Variants in PPP1R9A observed in about 807,000 individuals in gnomAD.
PPP1R9A encodes neurabin-1.
In PPP1R9A, 59 loss-of-function variants were observed where a neutral mutation model predicts 141.9. That is an observed-to-expected ratio of 0.42 (90% confidence interval 0.34 to 0.52). The LOEUF is 0.52. Ranked by LOEUF, PPP1R9A falls within the 20% of genes least tolerant of loss-of-function variation. The pLI is 0.10. For missense variants in PPP1R9A, 1,444 were observed against 1,611.9 expected, an observed-to-expected ratio of 0.90 and a Z score of 1.78; for synonymous variants, 500 against 569.7, an observed-to-expected ratio of 0.88 and a Z score of 1.74.
Position 95,273,655 on chromosome 7 carries a change from A to G in PPP1R9A, c.3125-244A>G, listed in dbSNP as rs186563782. ...TATTTATTCTCCCTTGTTCATTCCC[A>G]TGCAGTTGAAGCTAAAACTCTTTGT... On this transcript the variant is annotated intron_variant, in intron 14 of 19. Coordinates refer to ENST00000433360, the MANE Select transcript of PPP1R9A (RefSeq NM_001166160.2). Among the ~76,000 whole-genome samples, 231 of 152,296 alleles carry G rather than the reference A, an allele frequency of 1.5e-3. 1 individual carries two copies. The highest frequency in any genetic ancestry group is 5.4e-3 in the African/African-American group (223 of 41,570).
intron 8 of PPP1R9A, among the ~76,000 whole-genome samples, chr7:95,231,905 A>T (rs1018141433): frequency 6.6e-6 from 1 of 152,146 alleles, no homozygotes; most frequent in African/African-American, 2.4e-5. Flanking sequence ...GAGCAAAACT[A>T]AATCAAATTG....
intron 7 of PPP1R9A, among the ~76,000 whole-genome samples, chr7:95,223,217 G>C (rs1794693299): frequency 6.6e-6 from 1 of 151,948 alleles, no homozygotes; most frequent in African/African-American, 2.4e-5. Flanking sequence ...CAGTACTGCA[G>C]GTAATTTGGG....
intron 2 of PPP1R9A, among the ~76,000 whole-genome samples, chr7:95,008,359 G>A (rs1183234649): frequency 1.3e-5 from 2 of 152,080 alleles, no homozygotes; most frequent in African/African-American, 4.8e-5. Context: ...GCTTTAAAAT[G>A]CATTAGAGAG....
rs1266912431 is a variant in PPP1R9A, at chr7:95,269,270, ACGT to A, written c.2889_2891del (p.Ser965del). Reference sequence around the variant, plus strand: ...ATTACTTCCACCTAAGGGTTTGAGAACGTCTTCTCCAGAATCAGATTCTGGTGT... The same window carrying A: ...ATTACTTCCACCTAAGGGTTTGAGAACTTCTCCAGAATCAGATTCTGGTGT... On this transcript the variant is annotated inframe_deletion, in exon 14 of 20. Transcript: ENST00000433360. 1.3e-6 allele frequency: 2 copies of A among 1,580,864 alleles called. No individual in the cohort carries two copies. The highest frequency in any genetic ancestry group is 2.7e-5 in the African/African-American group (2 of 74,446).
chr7:94,972,409 ATT>A (rs59867967), intron 2 of PPP1R9A, among the ~76,000 whole-genome samples: 1 of 143,902 alleles, frequency 6.9e-6, no homozygotes, highest in Admixed American at 7.0e-5. Context: ...GTTAGGACCA[ATT>A]TTTTTTTTTT....
chr7:94,929,456 C>A (rs997396498), intron 2 of PPP1R9A, among the ~76,000 whole-genome samples: 1 of 152,110 alleles, frequency 6.6e-6, no homozygotes, highest in African/African-American at 2.4e-5. Context: ...GACAAGTGTG[C>A]AACCTAACAG....
At chr7:95,188,843 T>C (rs1835041512) in intron 5 of PPP1R9A, among the ~76,000 whole-genome samples, 1 of 152,084 alleles carries the variant, frequency 6.6e-6, no homozygotes, top group South Asian at 2.1e-4. Flanking sequence ...GTGATCCATC[T>C]GCCTCAGCCT....
At chr7:95,272,764 A>T (rs2153053840) in intron 14 of PPP1R9A, among the ~76,000 whole-genome samples, 1 of 152,292 alleles carries the variant, frequency 6.6e-6, no homozygotes, top group Non-Finnish European at 1.5e-5. Flanking sequence ...AAAAATCATG[A>T]GCAACATTAA....
chr7:95,055,678 A>C (rs1811405853), intron 2 of PPP1R9A, among the ~76,000 whole-genome samples: 2 of 152,064 alleles, frequency 1.3e-5, no homozygotes, highest in South Asian at 4.1e-4. Context: ...ATTCTGCATC[A>C]TGTACATCTC....
intron 2 of PPP1R9A, among the ~76,000 whole-genome samples, chr7:95,043,991 C>G (rs1809627560): frequency 6.6e-6 from 1 of 152,122 alleles, no homozygotes; most frequent in Admixed American, 6.5e-5. Context: ...GTGGATCACT[C>G]CTTAGTTTGA....
chr7:95,154,102 A>T (rs1829178892), intron 4 of PPP1R9A, among the ~76,000 whole-genome samples: 1 of 148,746 alleles, frequency 6.7e-6, no homozygotes, highest in African/African-American at 2.5e-5. Context: ...CCTTCTACTC[A>T]TTTTTAGTTG....
chr7:94,992,340 C>CT (rs1356116559), intron 2 of PPP1R9A, among the ~76,000 whole-genome samples: 9 of 152,052 alleles, frequency 5.9e-5, no homozygotes, highest in South Asian at 2.1e-4. Context: ...AGCTAGGATT[C>CT]TTTTTTTTAT....
At chr7:94,944,789 G>A (rs1033909857) in intron 2 of PPP1R9A, among the ~76,000 whole-genome samples, 2 of 152,104 alleles carry the variant, frequency 1.3e-5, no homozygotes, top group East Asian at 3.9e-4. Flanking sequence ...GAGAGATACT[G>A]TAGAATTTTA....
chr7:95,262,280 T>C (rs1036703431), intron 12 of PPP1R9A, among the ~76,000 whole-genome samples: 2 of 152,222 alleles, frequency 1.3e-5, no homozygotes, highest in Non-Finnish European at 2.9e-5. Flanking sequence ...CATAGATGCC[T>C]GCAGTCCCCA....
intron 4 of PPP1R9A, among the ~76,000 whole-genome samples, chr7:95,129,138 T>G (rs1824109533): frequency 6.6e-6 from 1 of 152,316 alleles, no homozygotes; most frequent in South Asian, 2.1e-4. Context: ...TTTGTCAATT[T>G]TGTCAAAGAT....
chr7:95,256,040 G>A (rs966255717), intron 12 of PPP1R9A, among the ~76,000 whole-genome samples: 1 of 151,992 alleles, frequency 6.6e-6, no homozygotes, highest in African/African-American at 2.4e-5. Flanking sequence ...AGGTAATACT[G>A]CATGTTATCT....
intron 2 of PPP1R9A, among the ~76,000 whole-genome samples, chr7:94,964,128 A>C (rs968512347): frequency 9.2e-5 from 14 of 152,232 alleles, no homozygotes; most frequent in African/African-American, 3.4e-4. Flanking sequence ...TGTGCTCAAA[A>C]TGTTTTGAAT....
At chr7:95,227,284 T>C (rs972398288) in intron 8 of PPP1R9A, among the ~76,000 whole-genome samples, 1 of 152,216 alleles carries the variant, frequency 6.6e-6, no homozygotes, top group African/African-American at 2.4e-5. Flanking sequence ...AATACAGCTC[T>C]TTCATTTTAC....
At chr7:95,059,180 C>G (rs1386028364) in intron 2 of PPP1R9A, among the ~76,000 whole-genome samples, 5 of 152,024 alleles carry the variant, frequency 3.3e-5, no homozygotes, top group Non-Finnish European at 7.4e-5. Context: ...CTATTTTTCA[C>G]TATTTTATCT....
Sources: gnomAD v4.1 joint callset for allele counts (sites outside exome capture counted in the v4.1 genomes callset) on GRCh38, gnomAD v4.1.1 for gene constraint, MANE v1.5 for transcripts, NCBI Gene and HGNC (gene_info 2026-07-23, HGNC 2026-07-21) for gene names.